Variants in RAB5A observed in about 807,000 individuals in gnomAD.
The protein encoded by RAB5A is RAB5A, member RAS oncogene family, also known as ras-related protein Rab-5A.
RAB5A carries 8 observed loss-of-function variants against 25.7 expected under a neutral mutation model. The ratio of observed to expected loss-of-function variants is 0.31; its 90% confidence interval spans 0.18 to 0.56. The LOEUF is 0.56. RAB5A is among the 20% of genes least tolerant of loss of function. The pLI, the probability that RAB5A is intolerant of heterozygous loss-of-function variation, is 0.91. For synonymous variants in RAB5A, 98 were observed against 89.8 expected (o/e 1.09, Z -0.52); for missense variants, 192 against 259.7 (o/e 0.74, Z 1.79).
intron 5 of RAB5A, chr3:19,978,640 G>A: frequency 2.8e-6 from 1 of 355,836 alleles, no homozygotes; most frequent in Non-Finnish European, 5.1e-6. Context: ...TTGTAATACT[G>A]TCAGTTTAGG....
intron 2 of RAB5A, among the ~76,000 whole-genome samples, chr3:19,956,814 C>T (rs952134206): frequency 6.6e-6 from 1 of 152,002 alleles, no homozygotes; most frequent in Admixed American, 6.6e-5. Flanking sequence ...TTGGCTGAAT[C>T]GTTTTGTCAT....
At position 19,947,285 on chromosome 3, in the gene RAB5A, C is replaced by CGGCGGA. The variant is rs1336582507; in HGVS notation, c.-328_-327insCGGAGG. On this transcript the variant is annotated 5_prime_UTR_variant, in exon 1 of 6. Transcript: ENST00000273047. ...CCAGCGCCGGCGGCGGCGGCGGCGG[C>CGGCGGA]GGAGGAGGAGAAAGGAAAGAGGAAG... The CGGCGGA allele has an allele frequency of 1.9e-4, 35 of 183,240 alleles. No homozygotes were observed. The highest frequency in any genetic ancestry group is 4.6e-4 in the Admixed American group (7 of 15,256). 11.4% of individuals were successfully genotyped at this position (183,240 alleles called of 1,614,324 possible).
At chr3:19,979,236 A>G (rs1696876164) in intron 5 of RAB5A, among the ~76,000 whole-genome samples, 1 of 151,464 alleles carries the variant, frequency 6.6e-6, no homozygotes, top group African/African-American at 2.4e-5. Context: ...CGGCCTCCCA[A>G]AGTGCTGGGA....
Position 19,984,495 on chromosome 3 carries a change from A to G in RAB5A, c.*672A>G, listed in dbSNP as rs1696995148. The G allele has an allele frequency of 4.6e-6, 1 of 218,708 alleles. No homozygotes were observed. Among genetic ancestry groups the G allele is most frequent in the Admixed American group, 6.0e-5 (1 of 16,568 alleles). 13.5% of individuals were successfully genotyped at this position (218,708 alleles called of 1,614,324 possible). A position where few individuals can be genotyped will look rare whatever the true frequency, so the allele number is the denominator to read the frequency against. The stretch of plus-strand genomic sequence containing the variant: ...TTTTGAGAACTAATAAATGCACCTT[A>G]ATGGTCAGTGTTCCTTTCAAACATG... On this transcript the variant is annotated 3_prime_UTR_variant, in exon 6 of 6. Coordinates refer to ENST00000273047, the MANE Select transcript of RAB5A (RefSeq NM_004162.5).
intron 2 of RAB5A, among the ~76,000 whole-genome samples, chr3:19,957,434 A>G (rs1696519713): frequency 6.6e-6 from 1 of 152,074 alleles, no homozygotes; most frequent in South Asian, 2.1e-4. Context: ...TGGGAGGCCA[A>G]AGTGGTCAGA....
intron 1 of RAB5A, chr3:19,947,985 A>C (rs1254863866): frequency 6.6e-6 from 1 of 152,218 alleles, no homozygotes; most frequent in Non-Finnish European, 1.5e-5. Context: ...GGCCTACTGC[A>C]GGTGTCAATG....
chr3:19,977,614 G>A (rs1696846463), intron 4 of RAB5A, among the ~76,000 whole-genome samples: 1 of 152,116 alleles, frequency 6.6e-6, no homozygotes, highest in Non-Finnish European at 1.5e-5. Context: ...CAAAATTGTT[G>A]CCTTCCCAGC....
At chr3:19,963,256 A>G (rs948467429) in intron 2 of RAB5A, among the ~76,000 whole-genome samples, 2 of 150,824 alleles carry the variant, frequency 1.3e-5, no homozygotes, top group Admixed American at 6.6e-5. Context: ...GTATCTGGCA[A>G]TCTTCTCTTT....
In RAB5A at chr3:19,964,026, G is replaced by C. The variant is rs570782819; in HGVS notation, c.164-11575G>C. Among the ~76,000 whole-genome samples the C allele has an allele frequency of 2.0e-5, 3 of 152,276 alleles. No individual in the cohort carries two copies. The South Asian group carries it at 6.2e-4, about 32-fold the overall frequency. On this transcript the variant is annotated intron_variant, in intron 2 of 5. Transcript: ENST00000273047. ...CTTTGAAGGCCAGTAATGTTTTAAAGGTCTGGAAGATTCTCTTGAGGGCTA... is the reference window on the plus strand; with the variant it reads ...CTTTGAAGGCCAGTAATGTTTTAAACGTCTGGAAGATTCTCTTGAGGGCTA...
intron 4 of RAB5A, among the ~76,000 whole-genome samples, chr3:19,977,143 G>A (rs2125192384): frequency 6.9e-6 from 1 of 145,830 alleles, no homozygotes; most frequent in East Asian, 2.0e-4. Context: ...GCAATCTCAA[G>A]CTCACTGCAA....
chr3:19,978,790 AAT>A (rs1392809658), intron 5 of RAB5A: 1 of 157,456 alleles, frequency 6.4e-6, no homozygotes, highest in African/African-American at 2.4e-5. Flanking sequence ...ATTATTGGTA[AAT>A]ATAACTCAGA....
chr3:19,954,986 A>G (rs182850992), intron 2 of RAB5A, among the ~76,000 whole-genome samples: 1 of 152,330 alleles, frequency 6.6e-6, no homozygotes, highest in African/African-American at 2.4e-5. Flanking sequence ...TTGTTGGTCT[A>G]AAGTTAGCCC....
chr3:19,972,876 G>A (rs1041820796), intron 2 of RAB5A, among the ~76,000 whole-genome samples: 1 of 152,040 alleles, frequency 6.6e-6, no homozygotes, highest in African/African-American at 2.4e-5. Flanking sequence ...TTTCTTTAAG[G>A]CAACATCTCT....
chr3:19,947,273 C>CGGT lies in RAB5A; in HGVS notation c.-340_-339insTGG. 2 of 200,416 alleles carry CGGT rather than the reference C, an allele frequency of 1.0e-5. No individual in the cohort carries two copies. Among genetic ancestry groups the CGGT allele is most frequent in the Non-Finnish European group, 1.9e-5 (2 of 103,530 alleles). The allele number at this position is 200,416 out of a possible 1,614,324, so 12.4% of individuals were successfully genotyped here. A position where few individuals can be genotyped will look rare whatever the true frequency, so the allele number is the denominator to read the frequency against. ...TTAGTCGGAACTCCAGCGCCGGCGG[C>CGGT]GGCGGCGGCGGCGGAGGAGGAGAAA... is the stretch of plus-strand genomic sequence containing the variant. On this transcript the variant is annotated 5_prime_UTR_variant, in exon 1 of 6. Transcript: ENST00000273047.
chr3:19,949,193 A>T (rs1460628068), intron 1 of RAB5A, among the ~76,000 whole-genome samples: 1 of 152,220 alleles, frequency 6.6e-6, no homozygotes, highest in African/African-American at 2.4e-5. Context: ...GAAGCAACTC[A>T]GATATTACGT....
At chr3:19,957,799 A>G (rs994897369) in intron 2 of RAB5A, among the ~76,000 whole-genome samples, 3 of 152,146 alleles carry the variant, frequency 2.0e-5, no homozygotes, top group Admixed American at 6.6e-5. Flanking sequence ...TCACCTCACA[A>G]TGTGTACATG....
intron 4 of RAB5A, among the ~76,000 whole-genome samples, 182 bp downstream of exon 4, chr3:19,976,351 G>T (rs1696824908): frequency 6.6e-6 from 1 of 152,122 alleles, no homozygotes; most frequent in South Asian, 2.1e-4. Flanking sequence ...TTTTTAAATA[G>T]ATTATTGTAA....
chr3:19,964,604 C>G (rs926715120), intron 2 of RAB5A, among the ~76,000 whole-genome samples: 1 of 152,182 alleles, frequency 6.6e-6, no homozygotes, highest in African/African-American at 2.4e-5. Context: ...TTAATACTAA[C>G]AAACTCCTAA....
intron 1 of RAB5A, among the ~76,000 whole-genome samples, 190 bp from the exon 2 acceptor site, chr3:19,950,616 A>T (rs573549014): frequency 4.7e-5 from 7 of 149,398 alleles, no homozygotes; most frequent in African/African-American, 1.7e-4. Context: ...GTTAGCCTTT[A>T]AAAAAAAAAG....
Sources: allele counts gnomAD v4.1 joint callset (sites outside exome capture counted in the v4.1 genomes callset), GRCh38; gene constraint gnomAD v4.1.1; transcripts MANE v1.5; gene names NCBI Gene and HGNC (gene_info 2026-07-23, HGNC 2026-07-21).